ANO3: variants seen among roughly 807,000 people sequenced by gnomAD.
ANO3 encodes anoctamin-3.
ANO3 carries 99 observed loss-of-function variants against 144.8 expected under a neutral mutation model. The ratio of observed to expected loss-of-function variants is 0.68; its 90% CI spans 0.58 to 0.81. The LOEUF (loss-of-function observed/expected upper bound fraction) is 0.81. Ranked by LOEUF, ANO3 falls within the 30% of genes least tolerant of loss-of-function variation. The pLI is 0.00. For missense variants in ANO3, 905 were observed against 1,202.2 expected, an observed-to-expected ratio of 0.75 and a Z score of 3.66; for synonymous variants, 414 against 392.6, an observed-to-expected ratio of 1.05 and a Z score of -0.64.
intron 3 of ANO3, among the ~76,000 whole-genome samples, chr11:26,454,493 C>T (rs1859072487): frequency 6.6e-6 from 1 of 152,104 alleles, no homozygotes; most frequent in Non-Finnish European, 1.5e-5. Flanking sequence ...TGGATAAATT[C>T]CTCAACATAT....
At chr11:26,487,291 G>A (rs1431343955) in intron 4 of ANO3, among the ~76,000 whole-genome samples, 1 of 152,132 alleles carries the variant, frequency 6.6e-6, no homozygotes, top group Non-Finnish European at 1.5e-5. Flanking sequence ...TTCCGGTTTT[G>A]CTTCTTCCTC....
chr11:26,400,583 T>C (rs574786656), intron 1 of ANO3, among the ~76,000 whole-genome samples: 44 of 152,118 alleles, frequency 2.9e-4, no homozygotes, highest in African/African-American at 1.0e-3. Flanking sequence ...GTATTTAACA[T>C]GATGCTCTTT....
Position 26,253,267 on chromosome 11 carries a change from C to T in ANO3, c.155-56378C>T, listed in dbSNP as rs988935879. 3.9e-5 allele frequency among the ~76,000 whole-genome samples: 6 copies of T among 152,076 alleles called. No homozygotes were observed. In the East Asian group the frequency reaches 1.2e-3, roughly 29 times the overall value. On this transcript the variant is annotated intron_variant, in intron 1 of 27. Coordinates refer to the ANO3 transcript ENST00000672621. ...GTCCTTTGCAGGGACATGGATGGAG[C>T]TAGAGGCCATTATCCTTAGCAAACT...
chr11:26,656,941 A>C lies in ANO3; in HGVS notation c.2763+460A>C, dbSNP rs761403880. ...AATAAATTGTGCTTGAGAACATTTT[A>C]TTTAAAAATTCAGAGACTTTGATTA... On this transcript the variant is annotated intron_variant, in intron 26 of 26. Coordinates refer to ENST00000256737, the MANE Select transcript of ANO3 (RefSeq NM_031418.4). 1.0e-3 allele frequency among the ~76,000 whole-genome samples: 158 copies of C among 152,222 alleles called. 1 individual carries two copies. Among genetic ancestry groups the C allele is most frequent in the Non-Finnish European group, 2.0e-3 (138 of 67,978 alleles).
intron 1 of ANO3, among the ~76,000 whole-genome samples, chr11:26,347,425 G>T (rs1324051519): frequency 6.6e-6 from 1 of 152,220 alleles, no homozygotes; most frequent in African/African-American, 2.4e-5. Flanking sequence ...AAGCAGGGAA[G>T]GTGACTATCT....
intron 1 of ANO3, among the ~76,000 whole-genome samples, chr11:26,247,619 G>C (rs984277271): frequency 6.6e-6 from 1 of 150,840 alleles, no homozygotes; most frequent in Non-Finnish European, 1.5e-5. Context: ...TACTGCTGGA[G>C]TCTTTTTCAA....
intron 1 of ANO3, among the ~76,000 whole-genome samples, chr11:26,385,467 T>A (rs1390669821): frequency 6.6e-6 from 1 of 152,162 alleles, no homozygotes; most frequent in Non-Finnish European, 1.5e-5. Flanking sequence ...CTGCAGGTTG[T>A]AGGGGAAAAA....
At chr11:26,557,550 G>A (rs1590522277) in intron 13 of ANO3, among the ~76,000 whole-genome samples, 1 of 151,410 alleles carries the variant, frequency 6.6e-6, no homozygotes, top group African/African-American at 2.4e-5. Context: ...ATAATTTAAT[G>A]TATTACATAT....
At chr11:26,366,329 A>C (rs1590296999) in intron 1 of ANO3, among the ~76,000 whole-genome samples, 1 of 152,142 alleles carries the variant, frequency 6.6e-6, no homozygotes, top group South Asian at 2.1e-4. Flanking sequence ...TGAACTCATC[A>C]TTTTTTATGG....
At chr11:26,461,650 A>G (rs1042641855) in intron 3 of ANO3, among the ~76,000 whole-genome samples, 5 of 152,106 alleles carry the variant, frequency 3.3e-5, no homozygotes, top group Non-Finnish European at 5.9e-5. Flanking sequence ...GAATGAATAC[A>G]ATGTAACTTA....
chr11:26,372,496 G>A (rs976686263), intron 1 of ANO3, among the ~76,000 whole-genome samples: 1 of 152,060 alleles, frequency 6.6e-6, no homozygotes, highest in African/African-American at 2.4e-5. Context: ...TATAGAAGAG[G>A]ATACTCTTTT....
chr11:26,499,676 A>G (rs2134121538), intron 4 of ANO3, among the ~76,000 whole-genome samples: 1 of 151,930 alleles, frequency 6.6e-6, no homozygotes, highest in East Asian at 1.9e-4. Flanking sequence ...TTCCTGCATG[A>G]ATACCATATG....
chr11:26,609,016 C>T (rs57549189), intron 17 of ANO3, among the ~76,000 whole-genome samples: 1 of 152,144 alleles, frequency 6.6e-6, no homozygotes, highest in African/African-American at 2.4e-5. Flanking sequence ...AGTTGAGAGG[C>T]TTTTGAGAAT....
intron 17 of ANO3, among the ~76,000 whole-genome samples, chr11:26,615,414 A>ATATATATATATATATATATATAT (rs1352935016): frequency 2.3e-5 from 3 of 130,684 alleles, no homozygotes; most frequent in African/African-American, 8.9e-5. Flanking sequence ...ATATATATAT[A>ATATATATATATATATATATATAT]TTTTTTTTTT....
At chr11:26,574,159 C>T (rs1850927943) in intron 14 of ANO3, among the ~76,000 whole-genome samples, 1 of 152,140 alleles carries the variant, frequency 6.6e-6, no homozygotes, top group South Asian at 2.1e-4. Context: ...ATCTGGCACT[C>T]ACCAATTGCT....
intron 17 of ANO3, among the ~76,000 whole-genome samples, chr11:26,623,526 A>G (rs61878610): frequency 6.6e-6 from 1 of 151,980 alleles, no homozygotes; most frequent in Non-Finnish European, 1.5e-5. Flanking sequence ...TATATAGGAG[A>G]GGGGAAAAGA....
chr11:26,508,478 A>T (rs568560685), intron 5 of ANO3: 1 of 421,934 alleles, frequency 2.4e-6, no homozygotes, highest in African/African-American at 2.0e-5. Context: ...TTCAAAGGGC[A>T]TGACTATTTT....
rs140698890 is a variant in ANO3, at chr11:26,449,984, G to T, written c.313+6148G>T. 4.8e-3 allele frequency among the ~76,000 whole-genome samples: 737 copies of T among 152,190 alleles called. 4 individuals are homozygous for T. Among genetic ancestry groups the T allele is most frequent in the African/African-American group, 0.017 (714 of 41,520 alleles). The stretch of plus-strand genomic sequence containing the variant: ...TTGGGCAGGCTGGTCTCAAACTCCT[G>T]ACCTCAGGCAATCCGCCCAGCTCAG... On this transcript the variant is annotated intron_variant, in intron 3 of 26. Transcript: ENST00000256737.
At chr11:26,525,396 T>C (rs1011753171) in intron 6 of ANO3, among the ~76,000 whole-genome samples, 2 of 152,096 alleles carry the variant, frequency 1.3e-5, no homozygotes, top group Non-Finnish European at 2.9e-5. Context: ...TTCTATTTTT[T>C]CAAAAGTGGT....
Sources: gnomAD v4.1 joint callset for allele counts (sites outside exome capture counted in the v4.1 genomes callset) on GRCh38, gnomAD v4.1.1 for gene constraint, MANE v1.5 for transcripts, NCBI Gene and HGNC (gene_info 2026-07-23, HGNC 2026-07-21) for gene names.